The following DEXI variants were observed in gnomAD, a reference collection of about 807,000 sequenced individuals.
The protein encoded by DEXI is Dexi homolog.
Under a neutral mutation model 2.5 loss-of-function variants are expected in DEXI, and 2 were observed. The ratio of observed to expected loss-of-function variants is 0.81; its 90% CI spans 0.33 to 2.55. The LOEUF (loss-of-function observed/expected upper bound fraction) is 2.55, where lower values mean the gene tolerates loss of function less well. DEXI is among the 30% of genes most tolerant of loss of function. The pLI is 0.11. For missense variants in DEXI, 108 were observed against 130.3 expected (o/e 0.83, Z 0.83); for synonymous variants, 71 against 68.7 (o/e 1.03, Z -0.17).
intron 1 of DEXI, chr16:10,933,066 G>A (rs576811072): frequency 6.6e-6 from 1 of 152,308 alleles, no homozygotes; most frequent in African/African-American, 2.4e-5. Context: ...GGAGCTTATA[G>A]AACCCAGGGC....
At position 10,938,336 on chromosome 16, in the gene DEXI, G is replaced by A. The variant is rs2041057725; in HGVS notation, c.*149+3233C>T. 2 of 151,032 alleles carry A rather than the reference G, an allele frequency of 1.3e-5. No individual in the cohort carries two copies. Among genetic ancestry groups the A allele is most frequent in the Non-Finnish European group, 1.5e-5 (1 of 67,868 alleles). The allele number at this position is 151,032 out of a possible 1,614,324, so 9.4% of individuals were successfully genotyped here. A position where few individuals can be genotyped will look rare whatever the true frequency, so the allele number is the denominator to read the frequency against. On this transcript the variant is annotated intron_variant, in intron 1 of 1. Coordinates refer to ENST00000331808, the MANE Select transcript of DEXI (RefSeq NM_014015.4). This position sits in a 1 kb window ranked among gnomAD's most constrained non-coding sequence, Gnocchi z 4.9. ...TCAAGTAGGTGCTCAGCAAATGTTT[G>A]AGGAACTGAATTATGTGGGTCCACA...
In DEXI at chr16:10,934,257, G is replaced by A. The variant is rs1360662233; in HGVS notation, c.*150-4698C>T. 1 of 152,132 alleles carries A rather than the reference G, an allele frequency of 6.6e-6. No homozygotes were observed. The highest frequency in any genetic ancestry group is 1.5e-5 in the Non-Finnish European group (1 of 68,028). 9.4% of individuals were successfully genotyped at this position (152,132 alleles called of 1,614,324 possible). On this transcript the variant is annotated intron_variant, in intron 1 of 1. Coordinates refer to ENST00000331808, the MANE Select transcript of DEXI (RefSeq NM_014015.4). This position sits in a 1 kb window ranked among gnomAD's most constrained non-coding sequence, Gnocchi z 4.2. ...TATTTACTTAGTATTTTAAACCAAT[G>A]TACTTTTTAAACTCCAATTTTTTAA...
chr16:10,942,339 C>T lies in DEXI; in HGVS notation c.-334G>A. On this transcript the variant is annotated 5_prime_UTR_variant, in exon 1 of 2. Coordinates refer to ENST00000331808, the MANE Select transcript of DEXI (RefSeq NM_014015.4). This position sits in a 1 kb window ranked among gnomAD's most constrained non-coding sequence, Gnocchi z 5.0. Reference sequence around the variant, plus strand: ...AGAGCCGGTGGGGATCCCACCGCGGCTCAGTGTCTAGGGCCGGTCCCGGCA... The same window carrying T: ...AGAGCCGGTGGGGATCCCACCGCGGTTCAGTGTCTAGGGCCGGTCCCGGCA... The T allele has an allele frequency of 4.0e-6, 1 of 249,282 alleles. No individual in the cohort carries two copies. The highest frequency in any genetic ancestry group is 4.6e-5 in the South Asian group (1 of 21,938). The allele number at this position is 249,282 out of a possible 1,614,324, so 15.4% of individuals were successfully genotyped here.
Position 10,941,473 on chromosome 16 carries a change from A to T in DEXI, c.*149+96T>A, listed in dbSNP as rs1347190155. On this transcript the variant is annotated intron_variant, in intron 1 of 1. Transcript: ENST00000331808. This position sits in a 1 kb window ranked among gnomAD's most constrained non-coding sequence, Gnocchi z 6.4. ...ACCTGGAGGAGGTGAACGGAGGAGA[A>T]GCCTGAGGGAGGGGTGTGTATCCGG... 2.1e-5 allele frequency: 26 copies of T among 1,226,984 alleles called. No individual in the cohort carries two copies. Among genetic ancestry groups the T allele is most frequent in the Non-Finnish European group, 2.6e-5 (25 of 948,364 alleles). 76.0% of individuals were successfully genotyped at this position (1,226,984 alleles called of 1,614,324 possible). A position where few individuals can be genotyped will look rare whatever the true frequency, so the allele number is the denominator to read the frequency against.
rs905776541 is a variant in DEXI, at chr16:10,929,742, G to A, written c.*150-183C>T. The A allele has an allele frequency of 1.1e-5, 2 of 177,800 alleles. No homozygotes were observed. Among genetic ancestry groups the A allele is most frequent in the Admixed American group, 1.3e-4 (2 of 15,316 alleles). 11.0% of individuals were successfully genotyped at this position (177,800 alleles called of 1,614,324 possible). A position where few individuals can be genotyped will look rare whatever the true frequency, so the allele number is the denominator to read the frequency against. On this transcript the variant is annotated intron_variant, in intron 1 of 1. Coordinates refer to ENST00000331808, the MANE Select transcript of DEXI (RefSeq NM_014015.4). This position sits in a 1 kb window ranked among gnomAD's most constrained non-coding sequence, Gnocchi z 4.3. ...AGACTCAGGCTGAAAATGTCTTTCT[G>A]CAAATATAAAACTCTTTTTAATGAA... is the stretch of plus-strand genomic sequence containing the variant.
At position 10,938,242 on chromosome 16, in the gene DEXI, A is replaced by G. The variant is rs951546827; in HGVS notation, c.*149+3327T>C. The G allele has an allele frequency of 1.2e-4, 18 of 152,114 alleles. No individual in the cohort carries two copies. Among genetic ancestry groups the G allele is most frequent in the African/African-American group, 4.1e-4 (17 of 41,406 alleles). 9.4% of individuals were successfully genotyped at this position (152,114 alleles called of 1,614,324 possible). A position where few individuals can be genotyped will look rare whatever the true frequency, so the allele number is the denominator to read the frequency against. On this transcript the variant is annotated intron_variant, in intron 1 of 1. Coordinates refer to ENST00000331808, the MANE Select transcript of DEXI (RefSeq NM_014015.4). The surrounding 1 kb of genome is among the most constrained non-coding windows in gnomAD (Gnocchi z 4.9). ...TACAGGGAGGTTAAGCAGCATGCCC[A>G]AGGTCACAGCTACCCTGGGATGTGA...
intron 1 of DEXI, chr16:10,931,946 T>G (rs1223115647): frequency 2.0e-5 from 3 of 152,172 alleles, no homozygotes; most frequent in Non-Finnish European, 4.4e-5. Context: ...GGAGCCAATT[T>G]AAAGAAAACT....
At chr16:10,935,628 C>T (rs117994105) in intron 1 of DEXI, 3 of 152,350 alleles carry the variant, frequency 2.0e-5, no homozygotes, top group Non-Finnish European at 4.4e-5. Context: ...GTGGAGAGAC[C>T]TGGCAGACAC....
At chr16:10,930,106 T>G (rs1008865728) in intron 1 of DEXI, 1 of 152,394 alleles carries the variant, frequency 6.6e-6, no homozygotes, top group Non-Finnish European at 1.5e-5. Context: ...CGTCCCCGTT[T>G]CCCACTGCCT....
chr16:10,938,831 G>C lies in DEXI; in HGVS notation c.*149+2738C>G, dbSNP rs1047596351. 3 of 152,208 alleles carry C rather than the reference G, an allele frequency of 2.0e-5. No homozygotes were observed. The highest frequency in any genetic ancestry group is 6.5e-5 in the Admixed American group (1 of 15,290). The allele number at this position is 152,208 out of a possible 1,614,324, so 9.4% of individuals were successfully genotyped here. On this transcript the variant is annotated intron_variant, in intron 1 of 1. Transcript: ENST00000331808. The surrounding 1 kb of genome is among the most constrained non-coding windows in gnomAD (Gnocchi z 4.9). ...CTGAGAGATATTTCCTGGTGTTTCT[G>C]CTTAAACAGCGTTTGCTGCAAAATA...
rs1028638116 is a variant in DEXI at position 10,929,797 on chromosome 16, G to T, written c.*150-238C>A. 1 of 154,746 alleles carries T rather than the reference G, an allele frequency of 6.5e-6. No homozygotes were observed. The highest frequency in any genetic ancestry group is 1.4e-5 in the Non-Finnish European group (1 of 70,340). 9.6% of individuals were successfully genotyped at this position (154,746 alleles called of 1,614,324 possible). On this transcript the variant is annotated intron_variant, in intron 1 of 1. Transcript: ENST00000331808. The surrounding 1 kb of genome is among the most constrained non-coding windows in gnomAD (Gnocchi z 4.3). ...CCTAATTTCTCAGAGACCCTGGGCT[G>T]GAGAACCAGTGCAATGTCACACGGG... is the stretch of plus-strand genomic sequence containing the variant.
At position 10,941,470 on chromosome 16, in the gene DEXI, A is replaced by G; in HGVS notation, c.*149+99T>C. 1 of 1,208,498 alleles carries G rather than the reference A, an allele frequency of 8.3e-7. No homozygotes were observed. Among genetic ancestry groups the G allele is most frequent in the Non-Finnish European group, 1.1e-6 (1 of 933,120 alleles). The allele number at this position is 1,208,498 out of a possible 1,614,324, so 74.9% of individuals were successfully genotyped here. ...TAGACCTGGAGGAGGTGAACGGAGG[A>G]GAAGCCTGAGGGAGGGGTGTGTATC... On this transcript the variant is annotated intron_variant, in intron 1 of 1. Transcript: ENST00000331808. The surrounding 1 kb of genome is among the most constrained non-coding windows in gnomAD (Gnocchi z 6.4).
chr16:10,933,712 C>A (rs2040897989), intron 1 of DEXI: 1 of 152,344 alleles, frequency 6.6e-6, no homozygotes. Context: ...AGGCTAGGGG[C>A]CTTCTGAAAG....
chr16:10,936,506 G>A (rs2041026134), intron 1 of DEXI: 1 of 152,256 alleles, frequency 6.6e-6, no homozygotes, highest in Admixed American at 6.5e-5. Flanking sequence ...ACGTGTACAT[G>A]AGCAAAGTGC....
chr16:10,929,607 G>T lies in DEXI; in HGVS notation c.*150-48C>A. 1 of 978,910 alleles carries T rather than the reference G, an allele frequency of 1.0e-6. No homozygotes were observed. Among genetic ancestry groups the T allele is most frequent in the Non-Finnish European group, 1.2e-6 (1 of 824,014 alleles). 60.6% of individuals were successfully genotyped at this position (978,910 alleles called of 1,614,324 possible). A position where few individuals can be genotyped will look rare whatever the true frequency, so the allele number is the denominator to read the frequency against. On this transcript the variant is annotated intron_variant, in intron 1 of 1. Transcript: ENST00000331808. This position sits in a 1 kb window ranked among gnomAD's most constrained non-coding sequence, Gnocchi z 4.3. ...GTTATTAGCACGGAAGCCCCACCCT[G>T]CCACCAGGTTGGCTGGGGACAGGGA...
In DEXI at chr16:10,934,270, T is replaced by C. The variant is rs927161704; in HGVS notation, c.*150-4711A>G. The C allele has an allele frequency of 6.6e-6, 1 of 152,302 alleles. No homozygotes were observed. Among genetic ancestry groups the C allele is most frequent in the Non-Finnish European group, 1.5e-5 (1 of 68,034 alleles). The allele number at this position is 152,302 out of a possible 1,614,324, so 9.4% of individuals were successfully genotyped here. On this transcript the variant is annotated intron_variant, in intron 1 of 1. Transcript: ENST00000331808. This position sits in a 1 kb window ranked among gnomAD's most constrained non-coding sequence, Gnocchi z 4.2. ...TTTTAAACCAATGTACTTTTTAAAC[T>C]CCAATTTTTTAATAAGATCATTTAT...
Position 10,940,748 on chromosome 16 carries a change from T to G in DEXI, c.*149+821A>C, listed in dbSNP as rs2041091602. On this transcript the variant is annotated intron_variant, in intron 1 of 1. Coordinates refer to ENST00000331808, the MANE Select transcript of DEXI (RefSeq NM_014015.4). This position sits in a 1 kb window ranked among gnomAD's most constrained non-coding sequence, Gnocchi z 4.2. ...CCTACCTCTCACATACACAGTGGGCTGGATGCTGGATGCAAAGCTCCCTCG... is the reference window on the plus strand; with the variant it reads ...CCTACCTCTCACATACACAGTGGGCGGGATGCTGGATGCAAAGCTCCCTCG... 1 of 152,348 alleles carries G rather than the reference T, an allele frequency of 6.6e-6. No homozygotes were observed. Among genetic ancestry groups the G allele is most frequent in the African/African-American group, 2.4e-5 (1 of 41,458 alleles). The allele number at this position is 152,348 out of a possible 1,614,324, so 9.4% of individuals were successfully genotyped here.
chr16:10,930,509 A>T (rs1385908008), intron 1 of DEXI: 1 of 152,206 alleles, frequency 6.6e-6, no homozygotes, highest in East Asian at 1.9e-4. Context: ...AGACCCATGC[A>T]TCGTATAGGA....
At chr16:10,935,389 T>C (rs2040985327) in intron 1 of DEXI, 1 of 152,228 alleles carries the variant, frequency 6.6e-6, no homozygotes, top group African/African-American at 2.4e-5. Flanking sequence ...TAACAAAGAA[T>C]ACAGGCCAAG....
Sources: allele counts gnomAD v4.1 joint callset, GRCh38; gene constraint gnomAD v4.1.1; non-coding constraint Gnocchi (gnomAD v3.1); transcripts MANE v1.5; gene names NCBI Gene and HGNC (gene_info 2026-07-23, HGNC 2026-07-21).